The following PCNT variants were observed in gnomAD, a reference collection of about 807,000 sequenced individuals.
The protein encoded by PCNT is pericentrin, also known as kendrin.
In PCNT, 319 loss-of-function variants were observed where a neutral mutation model predicts 380.4. That is an observed-to-expected ratio of 0.84 (90% confidence interval 0.77 to 0.92). The LOEUF (loss-of-function observed/expected upper bound fraction) is 0.92, where lower values mean the gene tolerates loss of function less well. PCNT is among the 40% of genes least tolerant of loss of function. The pLI is 0.00. For missense variants in PCNT, 4,400 were observed against 4,255.3 expected, an observed-to-expected ratio of 1.03 and a Z score of -0.95; for synonymous variants, 1,845 against 1,735.2, an observed-to-expected ratio of 1.06 and a Z score of -1.57.
At position 46,334,383 on chromosome 21, in the gene PCNT, C is replaced by A; in HGVS notation, c.268-14C>A. On this transcript the variant is annotated splice_polypyrimidine_tract_variant and intron_variant, in intron 2 of 46. Transcript: ENST00000359568. ...CTTGCTTTAAATGCTTCTTTCTGGT[C>A]CTCCCCTTCTTAGCCGGAGGACTGT... is the stretch of plus-strand genomic sequence containing the variant. The A allele has an allele frequency of 1.2e-6, 2 of 1,614,088 alleles. No homozygotes were observed. Among genetic ancestry groups the A allele is most frequent in the East Asian group, 4.5e-5 (2 of 44,894 alleles).
At chr21:46,336,991 TTTGTTTG>T in intron 3 of PCNT, among the ~76,000 whole-genome samples, 1 of 29,074 alleles carries the variant, frequency 3.4e-5, no homozygotes, top group South Asian at 1.4e-3. Context: ...GTTTTTTTTG[TTTGTTTG>T]TTTGTTTGTT....
intron 27 of PCNT, among the ~76,000 whole-genome samples, chr21:46,404,747 C>G (rs559917785): frequency 2.0e-5 from 3 of 152,088 alleles, no homozygotes; most frequent in Non-Finnish European, 4.4e-5. Flanking sequence ...CTCAGGAGTT[C>G]GAGACCAGCC....
At chr21:46,344,978 G>A (rs1473848681) in intron 3 of PCNT, among the ~76,000 whole-genome samples, 1 of 152,202 alleles carries the variant, frequency 6.6e-6, no homozygotes, top group Non-Finnish European at 1.5e-5. Context: ...TGGCACTGAG[G>A]ATTCGTAATA....
intron 45 of PCNT, 30 bp downstream of exon 45, chr21:46,443,978 C>T (rs1414161731): frequency 2.5e-6 from 4 of 1,604,198 alleles, no homozygotes; most frequent in South Asian, 1.1e-5. Context: ...GCCCCGTCTC[C>T]TGCCAGGGCT....
chr21:46,361,260 G>A (rs530073212), intron 13 of PCNT, among the ~76,000 whole-genome samples: 3 of 152,290 alleles, frequency 2.0e-5, no homozygotes, highest in Admixed American at 6.5e-5. Context: ...GTATGGTGGT[G>A]CATGCCTATA....
rs1161089481 is a variant in PCNT at position 46,443,910 on chromosome 21, C to T, written c.9801C>T (p.Arg3267=). The change falls in exon 45 of 47, where the codon CGC becomes CGT. Residue 3267 remains arginine, a synonymous_variant. Transcript: ENST00000359568. The stretch of plus-strand genomic sequence containing the variant: ...ACACCAGGGACCCTGCCAGAGGCCG[C>T]AGACTGGCAGCAGCAGCCTCCCCAC... The part of the protein sequence containing the change: ...SGHTRDPARG[R]RLAAAASPHS... The T allele has an allele frequency of 6.2e-7, 1 of 1,612,598 alleles. No individual in the cohort carries two copies. Among genetic ancestry groups the T allele is most frequent in the African/African-American group, 1.3e-5 (1 of 75,022 alleles).
At chr21:46,330,025 A>T (rs1370824377) in intron 2 of PCNT, among the ~76,000 whole-genome samples, 1 of 152,188 alleles carries the variant, frequency 6.6e-6, no homozygotes, top group Non-Finnish European at 1.5e-5. Flanking sequence ...AAGGTCAGGT[A>T]CCAGTCAGCT....
intron 37 of PCNT, 86 bp downstream of exon 37, chr21:46,430,743 C>T: frequency 1.3e-6 from 2 of 1,544,914 alleles, no homozygotes; most frequent in Non-Finnish European, 1.7e-6. Flanking sequence ...CCTTCTTTTC[C>T]TGTTCTTCAT....
At chr21:46,403,315 G>A (rs2066932) in intron 27 of PCNT, among the ~76,000 whole-genome samples, 5 of 138,160 alleles carry the variant, frequency 3.6e-5, no homozygotes, top group African/African-American at 7.8e-5. Context: ...TGAACACAGC[G>A]TGGGAGAATT....
chr21:46,360,735 G>A (rs949100793), intron 13 of PCNT, among the ~76,000 whole-genome samples: 2 of 145,890 alleles, frequency 1.4e-5, no homozygotes, highest in South Asian at 2.2e-4. Flanking sequence ...AGCCAGGATG[G>A]TCTCAATCTC....
Position 46,351,595 on chromosome 21 carries a change from T to C in PCNT, c.1456+55T>C, listed in dbSNP as rs538100983. Reference sequence around the variant, plus strand: ...CTCAAAAGCTGAAGCTGTGTGTTTTTCATTGTTGTAACACCAAGCCAGAAT... The same window carrying C: ...CTCAAAAGCTGAAGCTGTGTGTTTTCCATTGTTGTAACACCAAGCCAGAAT... On this transcript the variant is annotated intron_variant, in intron 9 of 46. Coordinates refer to ENST00000359568, the MANE Select transcript of PCNT (RefSeq NM_006031.6). 7.5e-6 allele frequency: 8 copies of C among 1,072,714 alleles called. No homozygotes were observed. The African/African-American group carries it at 1.1e-4, about 15-fold the overall frequency. 66.4% of individuals were successfully genotyped at this position (1,072,714 alleles called of 1,614,324 possible).
At chr21:46,395,670 C>T (rs2086184958) in intron 21 of PCNT, among the ~76,000 whole-genome samples, 1 of 151,896 alleles carries the variant, frequency 6.6e-6, no homozygotes, top group East Asian at 1.9e-4. Context: ...ATAGAGACTT[C>T]AGGATTCAGC....
chr21:46,358,860 G>A (rs1447929790), intron 13 of PCNT, among the ~76,000 whole-genome samples: 1 of 151,970 alleles, frequency 6.6e-6, no homozygotes, highest in South Asian at 2.1e-4. Context: ...GAGCGCGGTG[G>A]CGCAATCTCA....
At chr21:46,430,964 A>C in intron 37 of PCNT, 1 of 985,366 alleles carries the variant, frequency 1.0e-6, no homozygotes, top group African/African-American at 1.7e-5. Flanking sequence ...GACAGAGCAC[A>C]GCCTCAGAGG....
Position 46,425,983 on chromosome 21 carries a change from C to T in PCNT, c.7320+12C>T. 11 of 1,613,782 alleles carry T rather than the reference C, an allele frequency of 6.8e-6. No homozygotes were observed. Among genetic ancestry groups the T allele is most frequent in the Non-Finnish European group, 9.3e-6 (11 of 1,179,902 alleles). ...GGGGAAAGACGCAGGTTTATTTTGC[C>T]CTTCACACACTTCTTTTCCAAAGGA... On this transcript the variant is annotated intron_variant, in intron 33 of 46. Coordinates refer to ENST00000359568, the MANE Select transcript of PCNT (RefSeq NM_006031.6). This position sits in a 1 kb window ranked among gnomAD's most constrained non-coding sequence, Gnocchi z 4.2.
intron 40 of PCNT, among the ~76,000 whole-genome samples, chr21:46,437,775 G>A (rs1010237637): frequency 6.6e-6 from 1 of 152,226 alleles, no homozygotes; most frequent in African/African-American, 2.4e-5. Flanking sequence ...CCTGCCCCCT[G>A]TGTTGGGCCC....
rs1394809182 is a variant in PCNT, at chr21:46,403,926, C to T, written c.5115+1443C>T. Among the ~76,000 whole-genome samples, 782 of 118,540 alleles carry T rather than the reference C, an allele frequency of 6.6e-3. 3 individuals are homozygous for T. Among genetic ancestry groups the T allele is most frequent in the Non-Finnish European group, 0.01 (555 of 53,326 alleles). 77.8% of individuals were successfully genotyped at this position (118,540 alleles called of 152,430 possible). On this transcript the variant is annotated intron_variant, in intron 27 of 46. Transcript: ENST00000359568. ...GAGAATTGTGTGTGTGGTGCCCACG[C>T]GGCGCGTGCTCGGTGAATGAACACA... is the stretch of plus-strand genomic sequence containing the variant.
At chr21:46,426,073 T>C (rs923178209) in intron 33 of PCNT, 102 bp downstream of exon 33, 263 of 816,148 alleles carry the variant, frequency 3.2e-4, no homozygotes, top group Admixed American at 3.8e-4. Context: ...TTCTTTCTTT[T>C]TTTTTTTTTT....
intron 2 of PCNT, among the ~76,000 whole-genome samples, chr21:46,327,050 A>G (rs532403552): frequency 6.7e-6 from 1 of 149,934 alleles, no homozygotes; most frequent in East Asian, 2.0e-4. Context: ...TTATGGTTTT[A>G]TTCTTTTTAT....
Sources: gnomAD v4.1 joint callset for allele counts (sites outside exome capture counted in the v4.1 genomes callset) on GRCh38, gnomAD v4.1.1 for gene constraint, Gnocchi (gnomAD v3.1) non-coding constraint, MANE v1.5 for transcripts, NCBI Gene and HGNC (gene_info 2026-07-23, HGNC 2026-07-21) for gene names.